Variants in CCDC14 observed in about 807,000 individuals in gnomAD.
CCDC14 encodes coiled-coil domain containing 14.
CCDC14 carries 71 observed loss-of-function variants against 81.4 expected under a neutral mutation model. The observed-to-expected ratio is 0.87, with a 90% CI of 0.72 to 1.06. The LOEUF is 1.06. CCDC14 is among the 50% of genes least tolerant of loss of function. The pLI, the probability that CCDC14 is intolerant of heterozygous loss-of-function variation, is 0.00. For synonymous variants in CCDC14, 332 were observed against 364.8 expected (o/e 0.91, Z 1.03); for missense variants, 1,046 against 1,047.3 (o/e 1.00, Z 0.02).
Position 123,918,394 on chromosome 3 carries a change from A to G in CCDC14, c.1779-2676T>C, listed in dbSNP as rs911900917. Among the ~76,000 whole-genome samples, 7 of 152,296 alleles carry G rather than the reference A, an allele frequency of 4.6e-5. No homozygotes were observed. The East Asian group carries it at 1.4e-3, about 29-fold the overall frequency. The stretch of plus-strand genomic sequence containing the variant: ...ACATCTCTTTTAATAAGTCTTAAAA[A>G]TCTCCAGCAAGATGGTGGAATAAGA... On this transcript the variant is annotated intron_variant, in intron 12 of 12. Transcript: ENST00000409697.
intron 9 of CCDC14, among the ~76,000 whole-genome samples, chr3:123,944,262 A>C (rs1308138096): frequency 6.6e-6 from 1 of 152,166 alleles, no homozygotes; most frequent in Non-Finnish European, 1.5e-5. Flanking sequence ...TTTGCTTTTA[A>C]CATAATGTCC....
chr3:123,885,662 G>C, the CCDC14 span, among the ~76,000 whole-genome samples: 1 of 152,110 alleles, frequency 6.6e-6, no homozygotes, highest in Admixed American at 6.5e-5. Flanking sequence ...GTCTTCCTCA[G>C]ACTGAAGTTT....
chr3:123,906,501 T>C (rs1414915053), intron 5 of CCDC14, among the ~76,000 whole-genome samples: 1 of 147,380 alleles, frequency 6.8e-6, no homozygotes, highest in Non-Finnish European at 1.5e-5. Context: ...AAAAAGAAAG[T>C]AGTAGGAGGA....
chr3:123,959,800 T>C (rs2037564952), intron 1 of CCDC14, among the ~76,000 whole-genome samples: 1 of 129,142 alleles, frequency 7.7e-6, no homozygotes, highest in South Asian at 2.5e-4. Flanking sequence ...CATTTTTTAC[T>C]TAGTCATAAT....
intron 12 of CCDC14, among the ~76,000 whole-genome samples, chr3:123,920,235 A>C (rs548475765): frequency 6.6e-6 from 1 of 152,288 alleles, no homozygotes; most frequent in East Asian, 1.9e-4. Flanking sequence ...TCAAGAATGA[A>C]AAAGAATGAA....
intron 8 of CCDC14, among the ~76,000 whole-genome samples, chr3:123,945,923 G>A (rs1371519664): frequency 1.3e-5 from 2 of 152,082 alleles, no homozygotes; most frequent in Non-Finnish European, 2.9e-5. Context: ...CTGCTGGGAG[G>A]ATTAAATGAG....
At chr3:123,926,685 T>A (rs1004010955) in intron 12 of CCDC14, among the ~76,000 whole-genome samples, 1 of 151,860 alleles carries the variant, frequency 6.6e-6, no homozygotes, top group African/African-American at 2.4e-5. Flanking sequence ...ACAGGCACAT[T>A]TAAAATCATT....
At chr3:123,954,126 G>A (rs2037196693) in intron 5 of CCDC14, 1 of 152,158 alleles carries the variant, frequency 6.6e-6, no homozygotes, top group Admixed American at 6.5e-5. Flanking sequence ...CCCTGGATAA[G>A]AAATAACCTG....
chr3:123,945,604 T>C (rs1182782446), intron 8 of CCDC14, among the ~76,000 whole-genome samples: 2 of 152,146 alleles, frequency 1.3e-5, no homozygotes, highest in East Asian at 1.9e-4. Flanking sequence ...GCATAGAAGG[T>C]AGATATTAAT....
At chr3:123,895,618 AT>A (rs1344854465), downstream of CCDC14, among the ~76,000 whole-genome samples, 1 of 152,174 alleles carries the variant, frequency 6.6e-6, no homozygotes, top group Non-Finnish European at 1.5e-5. Flanking sequence ...CTGGGGAATA[AT>A]TTTTTTGTTT....
chr3:123,915,909 T>TAA (rs2034658029), intron 12 of CCDC14, among the ~76,000 whole-genome samples, 191 bp from the exon 13 acceptor site: 1 of 151,744 alleles, frequency 6.6e-6, no homozygotes, highest in Non-Finnish European at 1.5e-5. Flanking sequence ...ATAACAATGA[T>TAA]AAAATACATT....
chr3:123,915,791 T>A (rs751690266), intron 12 of CCDC14, 73 bp from the exon 13 acceptor site: 1 of 1,157,686 alleles, frequency 8.6e-7, no homozygotes, highest in Non-Finnish European at 1.2e-6. Flanking sequence ...TATACCTCCA[T>A]CTTTAAAAAA....
intron 1 of CCDC14, chr3:123,958,751 G>A (rs1051332171): frequency 3.3e-5 from 5 of 151,746 alleles, no homozygotes; most frequent in African/African-American, 1.2e-4. Flanking sequence ...TTATTCACAT[G>A]TTGCCAATTA....
At chr3:123,912,720 G>GA (rs1164304926), downstream of CCDC14, among the ~76,000 whole-genome samples, 4 of 150,184 alleles carry the variant, frequency 2.7e-5, no homozygotes, top group East Asian at 1.9e-4. Flanking sequence ...ATCCTCAACT[G>GA]AAAAAAAACA....
intron 7 of CCDC14, 61 bp from the exon 8 acceptor site, chr3:123,947,380 C>T (rs2036713784): frequency 8.8e-7 from 1 of 1,135,362 alleles, no homozygotes; most frequent in East Asian, 2.4e-5. Context: ...GTATTAATTA[C>T]AACAAACTCA....
chr3:123,919,552 C>G (rs2034917218), intron 12 of CCDC14, among the ~76,000 whole-genome samples: 1 of 152,234 alleles, frequency 6.6e-6, no homozygotes. Flanking sequence ...GCAGCTCCAC[C>G]TGACCTTGGA....
At chr3:123,893,225 A>T (rs1012711972), downstream of CCDC14, among the ~76,000 whole-genome samples, 3 of 152,274 alleles carry the variant, frequency 2.0e-5, no homozygotes, top group East Asian at 1.9e-4. Context: ...ACATTAAGCA[A>T]CATCTCCCAT....
At chr3:123,893,584 C>T (rs1319409738), downstream of CCDC14, among the ~76,000 whole-genome samples, 1 of 152,010 alleles carries the variant, frequency 6.6e-6, no homozygotes, top group East Asian at 1.9e-4. Context: ...AAAAATAAAA[C>T]ATACTTAGGA....
intron 5 of CCDC14, among the ~76,000 whole-genome samples, chr3:123,901,244 A>AAT (rs1249341619): frequency 6.6e-6 from 1 of 151,622 alleles, no homozygotes; most frequent in Non-Finnish European, 1.5e-5. Flanking sequence ...AAAATAAAAA[A>AAT]ATAAAAAAAA....
Sources: gnomAD v4.1 joint callset for allele counts (sites outside exome capture counted in the v4.1 genomes callset) on GRCh38, gnomAD v4.1.1 for gene constraint, MANE v1.5 for transcripts, NCBI Gene and HGNC (gene_info 2026-07-23, HGNC 2026-07-21) for gene names.